The following PTPRT variants were observed in gnomAD, a reference collection of about 807,000 sequenced individuals.
PTPRT encodes receptor-type tyrosine-protein phosphatase T.
PTPRT carries 56 observed loss-of-function variants against 176.8 expected under a neutral mutation model. The ratio of observed to expected loss-of-function variants is 0.32; its 90% CI spans 0.26 to 0.40. The LOEUF (loss-of-function observed/expected upper bound fraction) is 0.40. Ranked by LOEUF, PTPRT falls within the 10% of genes least tolerant of loss-of-function variation. The pLI is 1.00. For synonymous variants in PTPRT, 783 were observed against 739.0 expected (o/e 1.06, Z -0.96); for missense variants, 1,540 against 1,908.2 (o/e 0.81, Z 3.60).
At chr20:42,363,085 C>CA (rs2058452101) in intron 9 of PTPRT, among the ~76,000 whole-genome samples, 1 of 106,126 alleles carries the variant, frequency 9.4e-6, no homozygotes. Context: ...GCCTGGGCGA[C>CA]AGAGCAAGAC....
chr20:42,096,756 A>AATT lies in PTPRT; in HGVS notation c.3846+1664_3846+1665insAAT, dbSNP rs1555862037. Among the ~76,000 whole-genome samples the AATT allele has an allele frequency of 9.6e-3, 1,144 of 118,784 alleles. 13 individuals carry two copies. The highest frequency in any genetic ancestry group is 0.018 in the African/African-American group (571 of 31,904). 77.9% of individuals were successfully genotyped at this position (118,784 alleles called of 152,430 possible). On this transcript the variant is annotated intron_variant, in intron 27 of 30. Transcript: ENST00000373187. ...ATGGCACCATGCCTGGCTAATTAAA[A>AATT]TTTTTTTTTTTTTTTTTTTTTTTTG... is the stretch of plus-strand genomic sequence containing the variant.
At chr20:42,033,984 A>T in the PTPRT span, among the ~76,000 whole-genome samples, 1 of 152,200 alleles carries the variant, frequency 6.6e-6, no homozygotes, top group South Asian at 2.1e-4. Flanking sequence ...ACGTATGTCT[A>T]CATGTTATTA....
At position 42,205,572 on chromosome 20, in the gene PTPRT, C is replaced by T. The variant is rs140968365; in HGVS notation, c.2343-6184G>A. The stretch of plus-strand genomic sequence containing the variant: ...TGGACTCTGCAAAACCCTTGACTCT[C>T]TTCTGGGCTAGGAACAGGACCATCC... On this transcript the variant is annotated intron_variant, in intron 15 of 30. Coordinates refer to ENST00000373187, the MANE Select transcript of PTPRT (RefSeq NM_007050.6). Among the ~76,000 whole-genome samples, 93 of 152,258 alleles carry T rather than the reference C, an allele frequency of 6.1e-4. 1 individual carries two copies. Among genetic ancestry groups the T allele is most frequent in the African/African-American group, 2.2e-3 (90 of 41,548 alleles).
chr20:43,062,995 G>GT (rs1303338580), intron 1 of PTPRT, among the ~76,000 whole-genome samples: 9 of 152,220 alleles, frequency 5.9e-5, no homozygotes, highest in Non-Finnish European at 8.8e-5. Context: ...TCATCTCTTT[G>GT]TTTTTTGGTC....
At chr20:42,742,937 T>A (rs2076633619) in intron 6 of PTPRT, among the ~76,000 whole-genome samples, 1 of 152,090 alleles carries the variant, frequency 6.6e-6, no homozygotes, top group Non-Finnish European at 1.5e-5. Flanking sequence ...CCTCCTCACC[T>A]CCCCTTACGA....
chr20:43,068,590 G>T (rs2011143625), intron 1 of PTPRT, among the ~76,000 whole-genome samples: 1 of 151,818 alleles, frequency 6.6e-6, no homozygotes, highest in African/African-American at 2.4e-5. Flanking sequence ...GACAACTGGG[G>T]GTATAACAAC....
chr20:42,926,594 C>T (rs567897398), intron 1 of PTPRT, among the ~76,000 whole-genome samples: 2 of 152,212 alleles, frequency 1.3e-5, no homozygotes, highest in African/African-American at 2.4e-5. Context: ...GGATGACTTC[C>T]CTGAGCAGAG....
chr20:42,278,267 AC>A (rs1253827890), intron 13 of PTPRT, among the ~76,000 whole-genome samples: 5 of 150,942 alleles, frequency 3.3e-5, no homozygotes, highest in African/African-American at 1.2e-4. Flanking sequence ...TCTTAAAGAT[AC>A]TTCTCTGTTA....
At chr20:42,407,586 T>C (rs2058974130) in intron 9 of PTPRT, among the ~76,000 whole-genome samples, 1 of 152,192 alleles carries the variant, frequency 6.6e-6, no homozygotes, top group Non-Finnish European at 1.5e-5. Flanking sequence ...TCTGAAACCA[T>C]TTCCTTTAAT....
chr20:42,111,345 T>C (rs1179498285), intron 22 of PTPRT, among the ~76,000 whole-genome samples: 1 of 152,238 alleles, frequency 6.6e-6, no homozygotes, highest in Non-Finnish European at 1.5e-5. Flanking sequence ...AAGTGTGACC[T>C]GTGCCCAGCC....
At chr20:42,134,642 C>T (rs578062076) in intron 18 of PTPRT, among the ~76,000 whole-genome samples, 2 of 152,286 alleles carry the variant, frequency 1.3e-5, no homozygotes, top group Admixed American at 1.3e-4. Flanking sequence ...AAATGTTTAA[C>T]ATACAGCTCC....
intron 6 of PTPRT, among the ~76,000 whole-genome samples, chr20:42,743,451 T>C (rs2076642362): frequency 6.6e-6 from 1 of 152,232 alleles, no homozygotes; most frequent in Non-Finnish European, 1.5e-5. Flanking sequence ...TTTTATTCTA[T>C]TCTAGGAACC....
chr20:42,592,033 G>A (rs1400003821), intron 7 of PTPRT, among the ~76,000 whole-genome samples: 1 of 143,958 alleles, frequency 6.9e-6, no homozygotes, highest in African/African-American at 2.6e-5. Context: ...AGGCTGGAGT[G>A]CAGTGGCACG....
At chr20:42,884,159 G>A (rs2079067899) in intron 2 of PTPRT, among the ~76,000 whole-genome samples, 1 of 152,046 alleles carries the variant, frequency 6.6e-6, no homozygotes, top group Non-Finnish European at 1.5e-5. Context: ...CAGCATGATT[G>A]GGCAACAGAC....
chr20:43,004,059 C>T (rs1984726308), intron 1 of PTPRT, among the ~76,000 whole-genome samples: 3 of 151,780 alleles, frequency 2.0e-5, no homozygotes, highest in Middle Eastern at 3.4e-3. Flanking sequence ...CTGGGGAAGG[C>T]TTTTTTGAGT....
intron 8 of PTPRT, among the ~76,000 whole-genome samples, chr20:42,462,191 A>C (rs968775161): frequency 6.6e-6 from 1 of 152,194 alleles, no homozygotes; most frequent in African/African-American, 2.4e-5. Flanking sequence ...TTAGGTAACA[A>C]GGTCATCTGT....
intron 16 of PTPRT, among the ~76,000 whole-genome samples, chr20:42,163,801 G>A (rs1270244646): frequency 1.3e-5 from 2 of 152,248 alleles, no homozygotes; most frequent in East Asian, 3.8e-4. Context: ...CAGAGACTGT[G>A]AATGTGCAAG....
chr20:43,189,607 G>A lies in PTPRT; in HGVS notation c.88+39C>T. 1 of 1,199,578 alleles carries A rather than the reference G, an allele frequency of 8.3e-7. No homozygotes were observed. The highest frequency in any genetic ancestry group is 1.0e-6 in the Non-Finnish European group (1 of 960,148). The allele number at this position is 1,199,578 out of a possible 1,614,324, so 74.3% of individuals were successfully genotyped here. A position where few individuals can be genotyped will look rare whatever the true frequency, so the allele number is the denominator to read the frequency against. Reference sequence around the variant, plus strand: ...CTGGGGGCCCGCGCGCATCCAGGAGGGAGCGGGGAGCCCAGGGGAGCCGGG... The same window carrying A: ...CTGGGGGCCCGCGCGCATCCAGGAGAGAGCGGGGAGCCCAGGGGAGCCGGG... On this transcript the variant is annotated intron_variant, in intron 1 of 30. Coordinates refer to ENST00000373187, the MANE Select transcript of PTPRT (RefSeq NM_007050.6). The surrounding 1 kb of genome is among the most constrained non-coding windows in gnomAD (Gnocchi z 5.0).
At chr20:42,827,860 G>T (rs1453771826) in intron 2 of PTPRT, among the ~76,000 whole-genome samples, 1 of 152,172 alleles carries the variant, frequency 6.6e-6, no homozygotes, top group Non-Finnish European at 1.5e-5. Context: ...TAAGTTTCCT[G>T]AGGCATCCCC....
Sources: allele counts gnomAD v4.1 joint callset (sites outside exome capture counted in the v4.1 genomes callset), GRCh38; gene constraint gnomAD v4.1.1; non-coding constraint Gnocchi (gnomAD v3.1); transcripts MANE v1.5; gene names NCBI Gene and HGNC (gene_info 2026-07-23, HGNC 2026-07-21).